The following DHX29 variants were observed in gnomAD, a reference collection of about 807,000 sequenced individuals.
DHX29 encodes the protein ATP-dependent RNA helicase DHX29.
DHX29 carries 79 observed loss-of-function variants against 167.9 expected under a neutral mutation model. The observed-to-expected ratio is 0.47, with a 90% confidence interval of 0.39 to 0.57. DHX29 has a LOEUF of 0.57. Ranked by LOEUF, DHX29 falls within the 20% of genes least tolerant of loss-of-function variation. DHX29 has a pLI of 0.00. For missense variants in DHX29, 1,347 were observed against 1,593.4 expected (o/e 0.85, Z 2.63); for synonymous variants, 530 against 546.0 (o/e 0.97, Z 0.41).
chr5:55,270,291 A>G (rs1172181709), intron 20 of DHX29, 121 bp downstream of exon 20: 6 of 1,120,960 alleles, frequency 5.4e-6, no homozygotes, highest in Non-Finnish European at 7.5e-6. Flanking sequence ...AAGGGCATAT[A>G]TTAAAGAAGA....
intron 1 of DHX29, among the ~76,000 whole-genome samples, chr5:55,300,961 G>T (rs1372177185): frequency 6.6e-6 from 1 of 152,066 alleles, no homozygotes; most frequent in Non-Finnish European, 1.5e-5. Flanking sequence ...TCTTCTCTTG[G>T]CATGTAGGTG....
intron 1 of DHX29, among the ~76,000 whole-genome samples, chr5:55,301,709 AT>A (rs1748609632): frequency 8.8e-6 from 1 of 113,974 alleles, no homozygotes; most frequent in Non-Finnish European, 1.7e-5. Flanking sequence ...GTGAAACTCC[AT>A]CTCAAAAAAA....
rs1347799987 is a variant in DHX29 at position 55,285,278 on chromosome 5, CCTA to C, written c.1356+12_1356+14del. On this transcript the variant is annotated intron_variant, in intron 10 of 26. Transcript: ENST00000251636. ...CCTTCCACATACAGATATAGTTAGG[CCTA>C]AAAAGTCTTACCTGCCCTTTAACTA... is the stretch of plus-strand genomic sequence containing the variant. 1.9e-6 allele frequency: 3 copies of C among 1,612,524 alleles called. No homozygotes were observed. The African/African-American group carries it at 4.0e-5, about 22-fold the overall frequency.
At chr5:55,290,376 A>G (rs2111932345) in intron 6 of DHX29, 32 bp from the exon 7 acceptor site, 1 of 1,558,936 alleles carries the variant, frequency 6.4e-7, no homozygotes. Context: ...GGAGGGGGAA[A>G]AAAAAAGAAG....
Position 55,270,619 on chromosome 5 carries a change from C to A in DHX29, c.2952G>T (p.Arg984=). 1.9e-6 allele frequency: 3 copies of A among 1,614,156 alleles called. No homozygotes were observed. Among genetic ancestry groups the A allele is most frequent in the Non-Finnish European group, 2.5e-6 (3 of 1,180,008 alleles). Residue 984 remains arginine, a synonymous_variant, in exon 19 of 27, where the codon CGG becomes CGT. Transcript: ENST00000251636. ...TTCGGAAACAGAAGCCATCTCTGAC[C>A]CGCCCAGCTCTTCCCTGGCGCTGCA... ...SALQRQGRAG[R]VRDGFCFRMY...
intron 5 of DHX29, chr5:55,294,722 G>A (rs1176194409): frequency 6.6e-6 from 1 of 152,524 alleles, no homozygotes; most frequent in African/African-American, 2.4e-5. Context: ...CTTAAAAACA[G>A]TGGTTTTATG....
At chr5:55,289,173 CTTTGCCAGAATGCAAA>C in intron 8 of DHX29, 81 bp downstream of exon 8, 2 of 1,344,072 alleles carry the variant, frequency 1.5e-6, no homozygotes, top group Non-Finnish European at 1.9e-6. Flanking sequence ...ATCTTACGTA[CTTTGCCAGAATGCAAA>C]GTAACGAATT....
intron 6 of DHX29, among the ~76,000 whole-genome samples, chr5:55,293,409 T>A (rs1326238161): frequency 6.6e-6 from 1 of 152,232 alleles, no homozygotes; most frequent in Non-Finnish European, 1.5e-5. Context: ...CCATTAGCAA[T>A]ATGAGTATTC....
At chr5:55,298,978 C>T (rs966067656) in intron 1 of DHX29, among the ~76,000 whole-genome samples, 3 of 143,190 alleles carry the variant, frequency 2.1e-5, no homozygotes, top group African/African-American at 7.9e-5. Context: ...TGCAGTGAGC[C>T]GAGATTGCGC....
chr5:55,256,068 A>T lies in DHX29; in HGVS notation c.*420T>A, dbSNP rs546431686. On this transcript the variant is annotated 3_prime_UTR_variant, in exon 27 of 27. Coordinates refer to ENST00000251636, the MANE Select transcript of DHX29 (RefSeq NM_019030.4). ...CTTCTGAAGTTGTTCCTTTTCATGG[A>T]AATTTAATTATAATTGGTTTTGGAG... is the stretch of plus-strand genomic sequence containing the variant. Among the ~76,000 whole-genome samples the T allele has an allele frequency of 2.6e-5, 4 of 152,298 alleles. No individual in the cohort carries two copies. The South Asian group carries it at 6.2e-4, about 24-fold the overall frequency.
rs769211115 is a variant in DHX29, at chr5:55,269,467, G to A, written c.3240C>T (p.Val1080=). ...CAAAAATAAGCATCTTGCCAATCTTGACATTCACAGGTAAAGCTGCAAGGT... is the reference window on the plus strand; with the variant it reads ...CAAAAATAAGCATCTTGCCAATCTTAACATTCACAGGTAAAGCTGCAAGGT... ...GQHLAALPVN[V]KIGKMLIFGA... is the part of the protein sequence containing the mutation. Residue 1080 remains valine (V), a synonymous_variant, in exon 21 of 27, where the codon GTC becomes GTT. Transcript: ENST00000251636. 1 of 1,613,802 alleles carries A rather than the reference G, an allele frequency of 6.2e-7. No homozygotes were observed. The highest frequency in any genetic ancestry group is 1.1e-5 in the South Asian group (1 of 91,052).
intron 11 of DHX29, among the ~76,000 whole-genome samples, chr5:55,282,674 G>A (rs1288208319): frequency 6.6e-6 from 1 of 152,000 alleles, no homozygotes; most frequent in African/African-American, 2.4e-5. Context: ...CTCTGGTTAA[G>A]GTTTGGCCAG....
chr5:55,305,074 T>A (rs750278549), intron 1 of DHX29, among the ~76,000 whole-genome samples: 1 of 152,228 alleles, frequency 6.6e-6, no homozygotes, highest in Admixed American at 6.5e-5. Context: ...CATGACAATA[T>A]GCACAGCACT....
At chr5:55,292,103 T>C (rs1748077321) in intron 6 of DHX29, among the ~76,000 whole-genome samples, 1 of 152,198 alleles carries the variant, frequency 6.6e-6, no homozygotes, top group Non-Finnish European at 1.5e-5. Context: ...TACCAAACTG[T>C]TTTCCACAGT....
intron 16 of DHX29, among the ~76,000 whole-genome samples, chr5:55,274,171 T>C (rs575304418): frequency 4.0e-4 from 61 of 151,704 alleles, no homozygotes; most frequent in African/African-American, 1.4e-3. Flanking sequence ...TGGTGAGAAG[T>C]TCCCTTTAGC....
chr5:55,264,735 T>A (rs1476325419), intron 23 of DHX29, among the ~76,000 whole-genome samples: 1 of 152,234 alleles, frequency 6.6e-6, no homozygotes, highest in South Asian at 2.1e-4. Flanking sequence ...AACAATTTTT[T>A]AAAAAAACAA....
Position 55,289,273 on chromosome 5 carries a change from T to C in DHX29, c.1063A>G (p.Lys355Glu). 2 of 1,562,252 alleles carry C rather than the reference T, an allele frequency of 1.3e-6. No homozygotes were observed. Among genetic ancestry groups the C allele is most frequent in the African/African-American group, 1.4e-5 (1 of 71,932 alleles). The change falls in exon 8 of 27, where the codon AAA (lysine) becomes GAA (glutamate). Residue 355 changes from lysine (K) to glutamate (E), a missense_variant. Lys to Glu is a moderately conservative substitution (Grantham distance 56, BLOSUM62 1). Transcript: ENST00000251636. ...GACCATCTTCCCTTAATTTTACCTT[T>C]CTCTTCTTCAGTAGCAGCTGCAGAT... ...EKSAAATEEEKDKKKEPHDVR... is the reference protein window; with the variant it reads ...EKSAAATEEEEDKKKEPHDVR...
chr5:55,278,435 AG>A (rs1400853319), intron 12 of DHX29, among the ~76,000 whole-genome samples: 1 of 152,202 alleles, frequency 6.6e-6, no homozygotes, highest in Non-Finnish European at 1.5e-5. Context: ...CTTCTATAAA[AG>A]GAGAATACAA....
In DHX29 at chr5:55,267,171, G is replaced by T; in HGVS notation, c.3492C>A (p.Asn1164Lys). The change falls in exon 23 of 27, where the codon AAC (asparagine) becomes AAA (lysine). Residue 1164 changes from asparagine to lysine, a missense_variant. This residue lies in a region of DHX29 where 882 missense variants were observed against 1,082.4 expected (regional missense o/e 0.81). Transcript: ENST00000251636. ...YRSEITYCRR[N>K]FLNRTSLLTL... ...TTAACAGTGATGTTCTATTAAGAAAGTTCCTCCGGCAGTATGTGATTTCAG... is the reference window on the plus strand; with the variant it reads ...TTAACAGTGATGTTCTATTAAGAAATTTCCTCCGGCAGTATGTGATTTCAG... 1 of 1,612,870 alleles carries T rather than the reference G, an allele frequency of 6.2e-7. No homozygotes were observed. Among genetic ancestry groups the T allele is most frequent in the Non-Finnish European group, 8.5e-7 (1 of 1,179,324 alleles).
Sources: allele counts gnomAD v4.1 joint callset (sites outside exome capture counted in the v4.1 genomes callset), GRCh38; gene constraint gnomAD v4.1.1; regional missense constraint gnomAD v4.1.1; transcripts MANE v1.5; gene names NCBI Gene and HGNC (gene_info 2026-07-23, HGNC 2026-07-21).